Variants in BICD1 observed in about 807,000 individuals in gnomAD.
The protein encoded by BICD1 is BICD cargo adaptor 1.
Under a neutral mutation model 92.5 loss-of-function variants are expected in BICD1, and 35 were observed. That is an observed-to-expected ratio of 0.38 (90% CI 0.29 to 0.50). BICD1 has a LOEUF of 0.50. Among genes scored for constraint, BICD1 ranks in the 20% least tolerant of loss-of-function variants. The probability of loss-of-function intolerance (pLI) is 0.93; values close to 1 mark genes in which losing one functional copy is unlikely to be tolerated. For missense variants in BICD1, 950 were observed against 1,189.8 expected, an observed-to-expected ratio of 0.80 and a Z score of 2.97; for synonymous variants, 429 against 465.1, an observed-to-expected ratio of 0.92 and a Z score of 1.00.
intron 8 of BICD1, chr12:32,339,604 C>A: frequency 2.0e-6 from 2 of 985,190 alleles, no homozygotes; most frequent in Non-Finnish European, 2.4e-6. Context: ...TCCTTTCATT[C>A]TTTTTACTTG....
At chr12:32,265,633 A>G (rs1215298264) in intron 2 of BICD1, among the ~76,000 whole-genome samples, 1 of 151,460 alleles carries the variant, frequency 6.6e-6, no homozygotes, top group Non-Finnish European at 1.5e-5. Flanking sequence ...AGGATGATCA[A>G]TCCCTTGAGC....
Position 32,377,991 on chromosome 12 carries a change from AC to A in BICD1, c.*365del, listed in dbSNP as rs780523719. 6.3e-4 allele frequency: 102 copies of A among 163,130 alleles called. No homozygotes were observed. Among genetic ancestry groups the A allele is most frequent in the African/African-American group, 2.4e-3 (100 of 42,012 alleles). 10.1% of individuals were successfully genotyped at this position (163,130 alleles called of 1,614,324 possible). A position where few individuals can be genotyped will look rare whatever the true frequency, so the allele number is the denominator to read the frequency against. ...GTATATTGCAGTATCATCTTTCCTCACACTCCAAATTCAGCTAGGGAAGTTG... is the reference window on the plus strand; with the variant it reads ...GTATATTGCAGTATCATCTTTCCTCAACTCCAAATTCAGCTAGGGAAGTTG... On this transcript the variant is annotated 3_prime_UTR_variant, in exon 10 of 10. Coordinates refer to ENST00000652176, the MANE Select transcript of BICD1 (RefSeq NM_001714.4).
intron 3 of BICD1, among the ~76,000 whole-genome samples, chr12:32,303,016 C>T (rs906272899): frequency 1.3e-5 from 2 of 148,540 alleles, no homozygotes; most frequent in African/African-American, 2.5e-5. Context: ...TCACTGCAGC[C>T]TTGACCTCCC....
chr12:32,246,258 T>C (rs1946382694), intron 2 of BICD1, among the ~76,000 whole-genome samples: 1 of 148,922 alleles, frequency 6.7e-6, no homozygotes, highest in Admixed American at 6.8e-5. Flanking sequence ...GGAGGATCAC[T>C]TGTGACTGGG....
chr12:32,291,674 C>T (rs1947730661), intron 2 of BICD1, among the ~76,000 whole-genome samples: 1 of 151,280 alleles, frequency 6.6e-6, no homozygotes, highest in Admixed American at 6.6e-5. Flanking sequence ...ACCATCTCTA[C>T]AAAAAATACA....
At chr12:32,153,872 GTT>G (rs890186185) in intron 1 of BICD1, among the ~76,000 whole-genome samples, 2 of 151,246 alleles carry the variant, frequency 1.3e-5, no homozygotes, top group African/African-American at 4.9e-5. Context: ...TATATATGAT[GTT>G]TATTAGCCCT....
chr12:32,159,583 A>G (rs1285515551), intron 1 of BICD1, among the ~76,000 whole-genome samples: 3 of 152,100 alleles, frequency 2.0e-5, no homozygotes, highest in Non-Finnish European at 4.4e-5. Context: ...CTTGGTCCCA[A>G]AGGAACGTTC....
At chr12:32,241,132 G>A (rs762446868) in intron 2 of BICD1, among the ~76,000 whole-genome samples, 2 of 152,158 alleles carry the variant, frequency 1.3e-5, no homozygotes, top group African/African-American at 2.4e-5. Flanking sequence ...CGATGTGTAC[G>A]TGCAGAAAGT....
chr12:32,210,526 G>A (rs887762293), intron 1 of BICD1, among the ~76,000 whole-genome samples: 4 of 152,112 alleles, frequency 2.6e-5, no homozygotes, highest in African/African-American at 9.7e-5. Context: ...AAGAAGTCAT[G>A]TAAGTAGAAG....
At position 32,205,715 on chromosome 12, in the gene BICD1, TTA is replaced by T. The variant is rs987626490; in HGVS notation, c.214-10528_214-10527del. ...GCACTCTTTAAATATGTGCAATATA[TTA>T]TATGTCAATTTTGACATATGTATAT... On this transcript the variant is annotated intron_variant, in intron 1 of 9. Coordinates refer to ENST00000652176, the MANE Select transcript of BICD1 (RefSeq NM_001714.4). Among the ~76,000 whole-genome samples the T allele has an allele frequency of 1.5e-4, 10 of 65,252 alleles. 1 individual carries two copies. The highest frequency in any genetic ancestry group is 2.4e-4 in the Admixed American group (1 of 4,238). The allele number at this position is 65,252 out of a possible 152,430, so 42.8% of individuals were successfully genotyped here.
intron 8 of BICD1, among the ~76,000 whole-genome samples, chr12:32,352,121 C>T (rs1376462577): frequency 1.3e-5 from 2 of 152,056 alleles, no homozygotes; most frequent in African/African-American, 2.4e-5. Flanking sequence ...AGGACAATCA[C>T]TTGAACCTGG....
intron 2 of BICD1, among the ~76,000 whole-genome samples, chr12:32,248,101 A>C (rs1946437081): frequency 6.6e-6 from 1 of 152,138 alleles, no homozygotes; most frequent in African/African-American, 2.4e-5. Context: ...ACAAACAAAA[A>C]AAACAAAAAC....
At chr12:32,236,332 T>C (rs971155714) in intron 2 of BICD1, among the ~76,000 whole-genome samples, 1 of 151,408 alleles carries the variant, frequency 6.6e-6, no homozygotes, top group Non-Finnish European at 1.5e-5. Flanking sequence ...GAGGCGGAGG[T>C]TGCAGTGAGC....
In BICD1 at chr12:32,330,986, T is replaced by A. The variant is rs1937838302; in HGVS notation, c.2100+2431T>A. On this transcript the variant is annotated intron_variant, in intron 5 of 9. Transcript: ENST00000652176. ...ACCGTCCCTACTAAAAATACAAAAT[T>A]AACCAGGCGTGGTGGCGGGTGCCTG... Among the ~76,000 whole-genome samples the A allele has an allele frequency of 5.3e-5, 8 of 152,142 alleles. No homozygotes were observed. The South Asian group carries it at 1.7e-3, about 32-fold the overall frequency.
chr12:32,142,729 A>G (rs1942986058), intron 1 of BICD1, among the ~76,000 whole-genome samples: 1 of 152,236 alleles, frequency 6.6e-6, no homozygotes, highest in African/African-American at 2.4e-5. Flanking sequence ...GAAGCACCCA[A>G]AATATAGACA....
intron 8 of BICD1, among the ~76,000 whole-genome samples, chr12:32,364,484 T>A (rs1194024357): frequency 6.6e-6 from 1 of 152,178 alleles, no homozygotes; most frequent in Non-Finnish European, 1.5e-5. Flanking sequence ...TTGACACAAC[T>A]GGAGGGCTGT....
At chr12:32,217,501 T>C (rs1434578822) in intron 2 of BICD1, among the ~76,000 whole-genome samples, 1 of 152,210 alleles carries the variant, frequency 6.6e-6, no homozygotes. Context: ...ATGAACTAAA[T>C]GAATACTGAC....
chr12:32,326,931 T>C (rs1014254037), intron 4 of BICD1, among the ~76,000 whole-genome samples: 2 of 152,224 alleles, frequency 1.3e-5, no homozygotes, highest in African/African-American at 4.8e-5. Flanking sequence ...TTTTGGGGAC[T>C]AAATGCTTAT....
At chr12:32,311,275 A>T (rs1948368290) in intron 4 of BICD1, among the ~76,000 whole-genome samples, 1 of 152,180 alleles carries the variant, frequency 6.6e-6, no homozygotes. Context: ...AGGTGGGTGG[A>T]TCATGAAGTC....
Sources: gnomAD v4.1 joint callset for allele counts (sites outside exome capture counted in the v4.1 genomes callset) on GRCh38, gnomAD v4.1.1 for gene constraint, MANE v1.5 for transcripts, NCBI Gene and HGNC (gene_info 2026-07-23, HGNC 2026-07-21) for gene names.